Variants in MADD observed in about 807,000 individuals in gnomAD.
The protein encoded by MADD is MAP kinase activating death domain.
MADD carries 109 observed loss-of-function variants against 176.7 expected under a neutral mutation model. The observed-to-expected ratio is 0.62, with a 90% confidence interval of 0.53 to 0.72. The LOEUF (loss-of-function observed/expected upper bound fraction) is 0.72. Among genes scored for constraint, MADD ranks in the 30% least tolerant of loss-of-function variants. MADD has a pLI of 0.00. For missense variants in MADD, 1,914 were observed against 2,045.5 expected, an observed-to-expected ratio of 0.94 and a Z score of 1.24; for synonymous variants, 771 against 771.3, an observed-to-expected ratio of 1.00 and a Z score of 0.01.
Position 47,324,355 on chromosome 11 carries a change from TGA to T in MADD, c.4435+22_4435+23del, listed in dbSNP as rs747465667. The T allele has an allele frequency of 4.3e-6, 7 of 1,613,816 alleles. No homozygotes were observed. The South Asian group carries it at 4.4e-5, about 10-fold the overall frequency. Reference sequence around the variant, plus strand: ...CAAACCCGGTGAGGAGAGTTTTTCCTGAGAGTGTCTTCCCTGTTTCTACCAGT... The same window carrying T: ...CAAACCCGGTGAGGAGAGTTTTTCCTGAGTGTCTTCCCTGTTTCTACCAGT... On this transcript the variant is annotated intron_variant, in intron 29 of 32. Transcript: ENST00000402192.
chr11:47,286,928 T>C (rs951943885), intron 15 of MADD, among the ~76,000 whole-genome samples: 2 of 152,136 alleles, frequency 1.3e-5, no homozygotes, highest in African/African-American at 4.8e-5. Flanking sequence ...CCTGGCAGCG[T>C]TCATAGAGCA....
At chr11:47,323,397 CAAAA>C (rs79918782) in intron 27 of MADD, among the ~76,000 whole-genome samples, 1 of 128,612 alleles carries the variant, frequency 7.8e-6, no homozygotes. Context: ...GACCCTGTCT[CAAAA>C]AAAAAAAAAA....
intron 22 of MADD, among the ~76,000 whole-genome samples, chr11:47,302,500 C>G (rs555364934): frequency 6.6e-6 from 1 of 152,378 alleles, no homozygotes; most frequent in African/African-American, 2.4e-5. Flanking sequence ...GCGTGAGCCA[C>G]CGTGCTCAGC....
At chr11:47,272,951 A>C (rs1161871399) in intron 1 of MADD, among the ~76,000 whole-genome samples, 1 of 152,192 alleles carries the variant, frequency 6.6e-6, no homozygotes, top group Non-Finnish European at 1.5e-5. Flanking sequence ...TGCCTGAAGG[A>C]GGGAGAAAAG....
chr11:47,313,822 C>T (rs538246101), intron 26 of MADD, among the ~76,000 whole-genome samples: 2 of 151,838 alleles, frequency 1.3e-5, no homozygotes, highest in Non-Finnish European at 2.9e-5. Flanking sequence ...TGCAGCGGCG[C>T]GATCTCGGCT....
chr11:47,296,321 T>C (rs2139356670), intron 22 of MADD, among the ~76,000 whole-genome samples: 1 of 152,284 alleles, frequency 6.6e-6, no homozygotes, highest in East Asian at 1.9e-4. Flanking sequence ...GAATCCTATG[T>C]AGTATTAACC....
chr11:47,279,698 G>C (rs1171530250), intron 7 of MADD, among the ~76,000 whole-genome samples: 1 of 151,840 alleles, frequency 6.6e-6, no homozygotes, highest in African/African-American at 2.4e-5. Context: ...AGTCTTGTTA[G>C]GTGGAAGTTA....
At chr11:47,319,565 T>G (rs2093978111) in intron 27 of MADD, among the ~76,000 whole-genome samples, 1 of 152,250 alleles carries the variant, frequency 6.6e-6, no homozygotes, top group Non-Finnish European at 1.5e-5. Context: ...TTCAATCCTT[T>G]GTCCCAGAGG....
chr11:47,278,513 C>T (rs2052761442), intron 6 of MADD, among the ~76,000 whole-genome samples: 1 of 142,132 alleles, frequency 7.0e-6, no homozygotes, highest in African/African-American at 2.5e-5. Context: ...AATTAAGTGA[C>T]CCCCCACCAT....
intron 29 of MADD, 56 bp from the exon 33 acceptor site, chr11:47,324,415 C>A: frequency 1.3e-6 from 2 of 1,599,950 alleles, no homozygotes; most frequent in South Asian, 2.2e-5. Context: ...GCAGGGAAGT[C>A]AGGGGTGGGA....
intron 3 of MADD, among the ~76,000 whole-genome samples, chr11:47,275,569 G>A (rs531433825): frequency 2.6e-5 from 4 of 152,350 alleles, no homozygotes; most frequent in African/African-American, 9.6e-5. Flanking sequence ...GGGATTATAG[G>A]CGTGAGCATC....
At chr11:47,324,981 C>T (rs1595559730) in intron 30 of MADD, 1 of 572,132 alleles carries the variant, frequency 1.7e-6, no homozygotes, top group East Asian at 2.9e-5. Flanking sequence ...TTGTGTCTTT[C>T]TGGTGTGCGT....
At position 47,308,585 on chromosome 11, in the gene MADD, C is replaced by T. The variant is rs186835591; in HGVS notation, c.3643-6C>T. 8.4e-4 allele frequency: 1,349 copies of T among 1,612,576 alleles called. No homozygotes were observed. Among genetic ancestry groups the T allele is most frequent in the Non-Finnish European group, 1.1e-3 (1,254 of 1,178,840 alleles). ...TGGCCACTGACCTATCACCTCTTCTCTCTAGGGTAAAGCCCACAGCTTGAA... is the reference window on the plus strand; with the variant it reads ...TGGCCACTGACCTATCACCTCTTCTTTCTAGGGTAAAGCCCACAGCTTGAA... On this transcript the variant is annotated splice_polypyrimidine_tract_variant and splice_region_variant and intron_variant, in intron 22 of 32. Transcript: ENST00000402192.
intron 1 of MADD, chr11:47,270,513 G>A (rs1487900186): frequency 7.0e-6 from 1 of 143,378 alleles, no homozygotes; most frequent in African/African-American, 2.5e-5. Flanking sequence ...GGGGGCGGGG[G>A]CGGGGGAGAA....
chr11:47,321,366 G>T (rs2094444647), intron 27 of MADD, among the ~76,000 whole-genome samples: 1 of 152,166 alleles, frequency 6.6e-6, no homozygotes, highest in African/African-American at 2.4e-5. Context: ...TAGAACTCCA[G>T]TAAAGTCTTA....
chr11:47,273,947 A>G, exon 2 of MADD: 1 of 1,614,124 alleles, frequency 6.2e-7, no homozygotes, highest in South Asian at 1.1e-5. Flanking sequence ...GTCCTCGGTT[A>G]CTTGACTATC....
At chr11:47,287,329 CAAAA>C (rs1315103193) in intron 15 of MADD, among the ~76,000 whole-genome samples, 1 of 151,186 alleles carries the variant, frequency 6.6e-6, no homozygotes, top group Non-Finnish European at 1.5e-5. Context: ...CTTAAAAAAA[CAAAA>C]AACAAAAAAC....
At chr11:47,295,817 G>T (rs1276221693) in intron 21 of MADD, 80 bp from the exon 24 acceptor site, 1 of 1,540,400 alleles carries the variant, frequency 6.5e-7, no homozygotes, top group Non-Finnish European at 8.7e-7. Context: ...CTTTTTTATG[G>T]TGGCAGGGAG....
At chr11:47,291,880 C>T (rs2065621051) in intron 19 of MADD, among the ~76,000 whole-genome samples, 1 of 152,230 alleles carries the variant, frequency 6.6e-6, no homozygotes, top group African/African-American at 2.4e-5. Flanking sequence ...ATTCTGTCTG[C>T]TTTTCCCTAT....
Sources: allele counts gnomAD v4.1 joint callset (sites outside exome capture counted in the v4.1 genomes callset), GRCh38; gene constraint gnomAD v4.1.1; transcripts MANE v1.5; gene names NCBI Gene and HGNC (gene_info 2026-07-23, HGNC 2026-07-21).